Variants in FNDC3B observed in about 807,000 individuals in gnomAD.
FNDC3B encodes the protein fibronectin type III domain-containing protein 3B.
FNDC3B carries 12 observed loss-of-function variants against 151.5 expected under a neutral mutation model. The ratio of observed to expected loss-of-function variants is 0.08; its 90% confidence interval spans 0.05 to 0.13. FNDC3B has a LOEUF of 0.13. Among genes scored for constraint, FNDC3B ranks in the 10% least tolerant of loss-of-function variants. FNDC3B has a pLI of 1.00. For synonymous variants in FNDC3B, 528 were observed against 549.0 expected, an observed-to-expected ratio of 0.96 and a Z score of 0.54; for missense variants, 1,214 against 1,505.3, an observed-to-expected ratio of 0.81 and a Z score of 3.20.
At chr3:172,148,298 A>T (rs1021944482) in intron 3 of FNDC3B, among the ~76,000 whole-genome samples, 2 of 152,214 alleles carry the variant, frequency 1.3e-5, no homozygotes, top group Non-Finnish European at 2.9e-5. Flanking sequence ...TAAGGGATGT[A>T]CTTATTCAAG....
At chr3:172,139,752 CT>C (rs958236697) in intron 3 of FNDC3B, among the ~76,000 whole-genome samples, 35 of 144,566 alleles carry the variant, frequency 2.4e-4, no homozygotes, top group South Asian at 4.4e-4. Flanking sequence ...AAAACCATTT[CT>C]TTTTTTTTTT....
chr3:172,112,799 G>A (rs1192206237), intron 2 of FNDC3B, among the ~76,000 whole-genome samples: 1 of 152,208 alleles, frequency 6.6e-6, no homozygotes, highest in African/African-American at 2.4e-5. Context: ...TATTCTTGAA[G>A]TATTGAAAAA....
At chr3:172,207,854 G>A (rs1304281326) in intron 3 of FNDC3B, among the ~76,000 whole-genome samples, 29 of 152,208 alleles carry the variant, frequency 1.9e-4, no homozygotes, top group Admixed American at 1.9e-3. Flanking sequence ...GGCTGAGGCA[G>A]GAGAATCACT....
chr3:172,075,841 C>G (rs1349925859), intron 1 of FNDC3B, among the ~76,000 whole-genome samples: 1 of 151,884 alleles, frequency 6.6e-6, no homozygotes, highest in East Asian at 1.9e-4. Flanking sequence ...TGATGCAATT[C>G]TATTCGATTT....
chr3:172,315,409 T>C (rs1731729989), intron 11 of FNDC3B, among the ~76,000 whole-genome samples: 1 of 152,190 alleles, frequency 6.6e-6, no homozygotes, highest in Non-Finnish European at 1.5e-5. Context: ...CAGGTGTCAT[T>C]GGCTTTTCAG....
At chr3:172,197,691 G>C (rs1468839234) in intron 3 of FNDC3B, among the ~76,000 whole-genome samples, 2 of 152,222 alleles carry the variant, frequency 1.3e-5, no homozygotes, top group Non-Finnish European at 2.9e-5. Context: ...TTACAGGTCA[G>C]CTGTTTTGTA....
At chr3:172,204,149 C>T (rs1232116911) in intron 3 of FNDC3B, among the ~76,000 whole-genome samples, 2 of 152,186 alleles carry the variant, frequency 1.3e-5, no homozygotes, top group African/African-American at 4.8e-5. Context: ...AATGGATCCT[C>T]TTGTGTTCAG....
chr3:172,318,462 A>G lies in FNDC3B; in HGVS notation c.1254+7581A>G, dbSNP rs1731923910. On this transcript the variant is annotated intron_variant, in intron 11 of 25. Transcript: ENST00000415807. ...ATTAATCAGACTCCTGCTTAGCTCA[A>G]GTGTTGAATAGTTCATATGGATGAT... Among the ~76,000 whole-genome samples, 3 of 152,364 alleles carry G rather than the reference A, an allele frequency of 2.0e-5. No homozygotes were observed. The East Asian group carries it at 5.8e-4, about 29-fold the overall frequency.
intron 3 of FNDC3B, among the ~76,000 whole-genome samples, chr3:172,162,561 G>A (rs1181670322): frequency 6.6e-6 from 1 of 151,990 alleles, no homozygotes; most frequent in African/African-American, 2.4e-5. Flanking sequence ...GGAATGGCCA[G>A]ACTGTTTCCA....
At chr3:172,066,806 T>C (rs929881525) in intron 1 of FNDC3B, among the ~76,000 whole-genome samples, 5 of 152,252 alleles carry the variant, frequency 3.3e-5, no homozygotes, top group African/African-American at 1.2e-4. Context: ...TTCTGGTCTA[T>C]ACATTGAAAA....
intron 10 of FNDC3B, among the ~76,000 whole-genome samples, chr3:172,309,872 C>G (rs1354610774): frequency 1.3e-5 from 2 of 152,176 alleles, no homozygotes; most frequent in Admixed American, 6.5e-5. Flanking sequence ...ACAGCTAGCA[C>G]CAGACCACAT....
At chr3:172,269,262 T>C (rs1411845674) in intron 6 of FNDC3B, among the ~76,000 whole-genome samples, 2 of 152,088 alleles carry the variant, frequency 1.3e-5, no homozygotes, top group Non-Finnish European at 2.9e-5. Context: ...TTCCTTTCCT[T>C]TTCCTTTTTC....
intron 3 of FNDC3B, among the ~76,000 whole-genome samples, chr3:172,214,239 A>G (rs914317254): frequency 6.6e-6 from 1 of 152,182 alleles, no homozygotes; most frequent in Admixed American, 6.5e-5. Flanking sequence ...TACAAACAAA[A>G]GAGTAAAATC....
intron 4 of FNDC3B, among the ~76,000 whole-genome samples, chr3:172,228,101 T>TA (rs1160632644): frequency 6.6e-6 from 1 of 152,232 alleles, no homozygotes; most frequent in Non-Finnish European, 1.5e-5. Flanking sequence ...GTTACTTACT[T>TA]ACTTACTTAC....
chr3:172,081,892 T>G (rs1251819928), intron 1 of FNDC3B, among the ~76,000 whole-genome samples: 1 of 152,232 alleles, frequency 6.6e-6, no homozygotes, highest in East Asian at 1.9e-4. Flanking sequence ...TTTTATTTCT[T>G]TTAAGGAAAA....
chr3:172,091,909 T>TGTGTGTGTGTGTGTG (rs71178259), intron 1 of FNDC3B, among the ~76,000 whole-genome samples: 78 of 148,452 alleles, frequency 5.3e-4, no homozygotes, highest in South Asian at 1.3e-3. Flanking sequence ...TGTGTGTGTG[T>TGTGTGTGTGTGTGTG]TAGGGAGGTG....
chr3:172,396,225 G>GAAT (rs1736271534), intron 25 of FNDC3B, among the ~76,000 whole-genome samples: 1 of 152,202 alleles, frequency 6.6e-6, no homozygotes, highest in African/African-American at 2.4e-5. Context: ...TAACATGAGT[G>GAAT]AATCTCATAG....
At chr3:172,343,149 A>T in intron 18 of FNDC3B, 33 bp downstream of exon 18, 1 of 1,080,412 alleles carries the variant, frequency 9.3e-7, no homozygotes, top group Non-Finnish European at 1.4e-6. Context: ...TGACATTGAC[A>T]ATTTGGACAA....
At chr3:172,092,464 G>A (rs1312762097) in intron 1 of FNDC3B, among the ~76,000 whole-genome samples, 2 of 152,210 alleles carry the variant, frequency 1.3e-5, no homozygotes, top group Non-Finnish European at 2.9e-5. Flanking sequence ...GTAAAACGTG[G>A]ACTGAATGGA....
Sources: gnomAD v4.1 joint callset for allele counts (sites outside exome capture counted in the v4.1 genomes callset) on GRCh38, gnomAD v4.1.1 for gene constraint, MANE v1.5 for transcripts, NCBI Gene and HGNC (gene_info 2026-07-23, HGNC 2026-07-21) for gene names.